Variants in NFIB observed in about 807,000 individuals in gnomAD.
NFIB encodes the protein nuclear factor I B.
Under a neutral mutation model 61.5 loss-of-function variants are expected in NFIB, and 11 were observed. That is an observed-to-expected ratio of 0.18 (90% CI 0.11 to 0.30). The LOEUF (loss-of-function observed/expected upper bound fraction) is 0.30, where lower values mean the gene tolerates loss of function less well. Among genes scored for constraint, NFIB ranks in the 10% least tolerant of loss-of-function variants. The pLI is 1.00. For missense variants in NFIB, 471 were observed against 608.9 expected (o/e 0.77, Z 2.38); for synonymous variants, 260 against 216.5 (o/e 1.20, Z -1.76).
chr9:14,261,429 T>G (rs1206137247), intron 2 of NFIB, among the ~76,000 whole-genome samples: 4 of 152,242 alleles, frequency 2.6e-5, no homozygotes, highest in Non-Finnish European at 4.4e-5. Context: ...CATATCACAT[T>G]TCAGCCCGTA....
chr9:14,162,944 C>A (rs2044365300), intron 3 of NFIB, among the ~76,000 whole-genome samples: 1 of 151,752 alleles, frequency 6.6e-6, no homozygotes, highest in Non-Finnish European at 1.5e-5. Context: ...GAAGGTATGC[C>A]TCTCTCCAAC....
At chr9:14,476,744 A>G in the NFIB span, among the ~76,000 whole-genome samples, 5 of 152,190 alleles carry the variant, frequency 3.3e-5, no homozygotes, top group Non-Finnish European at 7.3e-5. Context: ...AAACCCGGTA[A>G]TCTCTGAGAC....
At chr9:14,127,483 G>A (rs148573347) in intron 6 of NFIB, among the ~76,000 whole-genome samples, 2 of 152,088 alleles carry the variant, frequency 1.3e-5, no homozygotes, top group Admixed American at 1.3e-4. Context: ...TTCTCTCCCT[G>A]TGGTACTTTG....
At chr9:14,173,384 G>T (rs181116860) in intron 3 of NFIB, among the ~76,000 whole-genome samples, 1 of 151,960 alleles carries the variant, frequency 6.6e-6, no homozygotes, top group South Asian at 2.1e-4. Flanking sequence ...GACCTGCATC[G>T]TAACACTAAT....
rs148949608 is a variant in NFIB, at chr9:14,231,633, G to C, written c.563-51853C>G. 8.1e-3 allele frequency among the ~76,000 whole-genome samples: 1,228 copies of C among 152,226 alleles called. 18 individuals carry two copies. Among genetic ancestry groups the C allele is most frequent in the African/African-American group, 0.028 (1,181 of 41,548 alleles). On this transcript the variant is annotated intron_variant, in intron 2 of 10. Coordinates refer to ENST00000380953, the MANE Select transcript of NFIB (RefSeq NM_001190737.2). ...TTTTTGAAGGTATATTTTCTACCTT[G>C]CTGGTATGATTTATATTAATGAGAG...
chr9:14,458,403 C>A, the NFIB span, among the ~76,000 whole-genome samples: 2 of 152,170 alleles, frequency 1.3e-5, no homozygotes, highest in African/African-American at 4.8e-5. Flanking sequence ...AACCCACAGC[C>A]AATATCATAC....
chr9:14,128,474 G>C (rs900837190), intron 6 of NFIB, among the ~76,000 whole-genome samples: 12 of 152,026 alleles, frequency 7.9e-5, no homozygotes, highest in Non-Finnish European at 1.6e-4. Flanking sequence ...AAGGCGGGTG[G>C]ATCGCCTGAG....
chr9:14,198,234 A>C (rs533150149), intron 2 of NFIB, among the ~76,000 whole-genome samples: 1 of 152,206 alleles, frequency 6.6e-6, no homozygotes, highest in Admixed American at 6.5e-5. Flanking sequence ...CACGTCTCCA[A>C]GGAGCATGAT....
chr9:14,275,323 C>T (rs762669452), intron 2 of NFIB, among the ~76,000 whole-genome samples: 1 of 152,118 alleles, frequency 6.6e-6, no homozygotes, highest in Non-Finnish European at 1.5e-5. Flanking sequence ...CTTTATCAGC[C>T]AACATTCTCT....
intron 3 of NFIB, among the ~76,000 whole-genome samples, chr9:14,175,617 T>C (rs1439724216): frequency 6.6e-6 from 1 of 152,182 alleles, no homozygotes; most frequent in Non-Finnish European, 1.5e-5. Context: ...GTACACCCAA[T>C]ATATAATCCT....
intron 3 of NFIB, among the ~76,000 whole-genome samples, chr9:14,177,379 G>C (rs1049891807): frequency 6.6e-6 from 1 of 151,966 alleles, no homozygotes; most frequent in Non-Finnish European, 1.5e-5. Context: ...TTTAAAATTA[G>C]AAAACATTTT....
chr9:14,089,375 A>G (rs2033465525), intron 10 of NFIB, among the ~76,000 whole-genome samples: 1 of 151,990 alleles, frequency 6.6e-6, no homozygotes, highest in Non-Finnish European at 1.5e-5. Flanking sequence ...AAAAAAAAAA[A>G]AAAAAGACTG....
intron 2 of NFIB, among the ~76,000 whole-genome samples, chr9:14,224,437 C>G (rs1440872292): frequency 6.6e-6 from 1 of 152,198 alleles, no homozygotes; most frequent in Non-Finnish European, 1.5e-5. Flanking sequence ...TCTGCCCTAT[C>G]TTAGTCTCTT....
chr9:14,511,974 CAATT>C, the NFIB span, among the ~76,000 whole-genome samples: 2 of 152,112 alleles, frequency 1.3e-5, no homozygotes, highest in Non-Finnish European at 2.9e-5. Context: ...TATTTTTGCA[CAATT>C]AAACTGTTTT....
chr9:14,234,793 A>ATT (rs200830057), intron 2 of NFIB, among the ~76,000 whole-genome samples: 2 of 122,224 alleles, frequency 1.6e-5, no homozygotes, highest in African/African-American at 6.9e-5. Flanking sequence ...GTTCGTTGAA[A>ATT]TTTTTTTTTT....
chr9:14,490,847 G>GC, the NFIB span, among the ~76,000 whole-genome samples: 1 of 152,132 alleles, frequency 6.6e-6, no homozygotes, highest in Non-Finnish European at 1.5e-5. Flanking sequence ...AAAGTCATTT[G>GC]AGATTATCAT....
At chr9:14,443,620 T>G in the NFIB span, among the ~76,000 whole-genome samples, 7 of 152,234 alleles carry the variant, frequency 4.6e-5, no homozygotes, top group African/African-American at 1.4e-4. Flanking sequence ...CTTAACACTC[T>G]CGGAGATATC....
chr9:14,164,889 T>C (rs1242279039), intron 3 of NFIB, among the ~76,000 whole-genome samples: 2 of 152,004 alleles, frequency 1.3e-5, no homozygotes, highest in Non-Finnish European at 2.9e-5. Flanking sequence ...TTTTAAAAGT[T>C]CCCCCAAGTG....
chr9:14,530,644 G>T, the NFIB span, among the ~76,000 whole-genome samples: 1 of 152,088 alleles, frequency 6.6e-6, no homozygotes, highest in Admixed American at 6.6e-5. Flanking sequence ...CACCTTTCAG[G>T]AAATTCAAAC....
Sources: gnomAD v4.1 joint callset for allele counts (sites outside exome capture counted in the v4.1 genomes callset) on GRCh38, gnomAD v4.1.1 for gene constraint, MANE v1.5 for transcripts, NCBI Gene and HGNC (gene_info 2026-07-23, HGNC 2026-07-21) for gene names.